RPS6KC1: variants seen among roughly 807,000 people sequenced by gnomAD.
The protein encoded by RPS6KC1 is inactive ribosomal protein S6 kinase delta-1.
RPS6KC1 carries 54 observed loss-of-function variants against 103.8 expected under a neutral mutation model. That is an observed-to-expected ratio of 0.52 (90% CI 0.42 to 0.65). The LOEUF (loss-of-function observed/expected upper bound fraction) is 0.65, where lower values mean the gene tolerates loss of function less well. Ranked by LOEUF, RPS6KC1 falls within the 30% of genes least tolerant of loss-of-function variation. RPS6KC1 has a pLI of 0.00. For synonymous variants in RPS6KC1, 439 were observed against 438.7 expected (o/e 1.00, Z -0.01); for missense variants, 1,151 against 1,253.8 (o/e 0.92, Z 1.24).
At chr1:213,371,180 C>T in the RPS6KC1 span, among the ~76,000 whole-genome samples, 1 of 152,054 alleles carries the variant, frequency 6.6e-6, no homozygotes, top group Non-Finnish European at 1.5e-5. Flanking sequence ...ACTCTAGGTA[C>T]CTCCCGTAGA....
At chr1:213,742,604 T>A in the RPS6KC1 span, among the ~76,000 whole-genome samples, 1 of 152,378 alleles carries the variant, frequency 6.6e-6, no homozygotes, top group East Asian at 1.9e-4. Flanking sequence ...ACTAGCATGC[T>A]TTCGATGGCT....
chr1:213,398,423 A>G, the RPS6KC1 span, among the ~76,000 whole-genome samples: 1 of 151,932 alleles, frequency 6.6e-6, no homozygotes, highest in Non-Finnish European at 1.5e-5. Flanking sequence ...GTAACCTGCC[A>G]TGCTTCAAAC....
At chr1:213,145,967 G>GTTTTTTTTT (rs71573864) in intron 6 of RPS6KC1, among the ~76,000 whole-genome samples, 18 of 47,834 alleles carry the variant, frequency 3.8e-4, no homozygotes, top group Admixed American at 6.9e-4. Context: ...CATTCATTCT[G>GTTTTTTTTT]TTTTTTTTTT....
chr1:213,715,761 A>T, the RPS6KC1 span, among the ~76,000 whole-genome samples: 2 of 152,220 alleles, frequency 1.3e-5, no homozygotes, highest in Non-Finnish European at 2.9e-5. Flanking sequence ...TGGCATTTGT[A>T]AGAGGGAAAA....
At chr1:213,817,355 G>A in the RPS6KC1 span, among the ~76,000 whole-genome samples, 1 of 152,192 alleles carries the variant, frequency 6.6e-6, no homozygotes, top group Non-Finnish European at 1.5e-5. Flanking sequence ...TGGGCTGAAG[G>A]GCAGCTGTTT....
At chr1:213,605,112 T>C in the RPS6KC1 span, among the ~76,000 whole-genome samples, 1 of 152,172 alleles carries the variant, frequency 6.6e-6, no homozygotes, top group African/African-American at 2.4e-5. Flanking sequence ...CATGGTGCCC[T>C]TAGCTTCTTG....
At chr1:213,084,271 T>G (rs965203000) in intron 3 of RPS6KC1, among the ~76,000 whole-genome samples, 1 of 152,118 alleles carries the variant, frequency 6.6e-6, no homozygotes, top group African/African-American at 2.4e-5. Flanking sequence ...TTTCTTTCTT[T>G]CTTTTCTAAC....
chr1:213,702,138 T>A, the RPS6KC1 span, among the ~76,000 whole-genome samples: 4 of 151,938 alleles, frequency 2.6e-5, no homozygotes, highest in African/African-American at 4.8e-5. Context: ...TTTCAAGAAA[T>A]TTTTCAATTT....
the RPS6KC1 span, among the ~76,000 whole-genome samples, chr1:213,327,076 G>A: frequency 2.1e-5 from 3 of 145,674 alleles, no homozygotes; most frequent in African/African-American, 7.6e-5. Flanking sequence ...TTGAGAAGAT[G>A]GTCAAGTTGA....
At chr1:213,479,437 CTTG>C in the RPS6KC1 span, among the ~76,000 whole-genome samples, 2 of 151,996 alleles carry the variant, frequency 1.3e-5, no homozygotes, top group African/African-American at 2.4e-5. Flanking sequence ...AAACTGGCAT[CTTG>C]TTGTGTTTTC....
chr1:213,366,054 T>G, the RPS6KC1 span, among the ~76,000 whole-genome samples: 1 of 152,214 alleles, frequency 6.6e-6, no homozygotes, highest in Non-Finnish European at 1.5e-5. Context: ...TGGAGAAGGC[T>G]GGATGAGCCA....
At chr1:213,149,880 C>T (rs916239881) in intron 6 of RPS6KC1, among the ~76,000 whole-genome samples, 11 of 152,122 alleles carry the variant, frequency 7.2e-5, no homozygotes, top group Admixed American at 6.5e-4. Flanking sequence ...TGAATTGACC[C>T]CTTTATCATT....
At chr1:213,348,839 A>G in the RPS6KC1 span, among the ~76,000 whole-genome samples, 1 of 152,144 alleles carries the variant, frequency 6.6e-6, no homozygotes, top group African/African-American at 2.4e-5. Context: ...AGGCTCATAA[A>G]TGGTTTCAAT....
the RPS6KC1 span, among the ~76,000 whole-genome samples, chr1:213,608,094 ACT>A: frequency 1.3e-5 from 2 of 152,014 alleles, no homozygotes; most frequent in Non-Finnish European, 2.9e-5. Context: ...AAGTTTGTCA[ACT>A]CTCTGTTAAA....
At chr1:213,239,001 A>G (rs904639438) in intron 10 of RPS6KC1, among the ~76,000 whole-genome samples, 5 of 152,238 alleles carry the variant, frequency 3.3e-5, no homozygotes, top group African/African-American at 4.8e-5. Flanking sequence ...ATTGTTGTCA[A>G]TAGACTAAAG....
chr1:213,402,448 A>G, the RPS6KC1 span, among the ~76,000 whole-genome samples: 1 of 147,886 alleles, frequency 6.8e-6, no homozygotes, highest in Admixed American at 6.9e-5. Flanking sequence ...AGCACCCATA[A>G]CTTACCTGTT....
At chr1:213,653,796 C>T in the RPS6KC1 span, among the ~76,000 whole-genome samples, 1 of 152,100 alleles carries the variant, frequency 6.6e-6, no homozygotes, top group Non-Finnish European at 1.5e-5. Context: ...TTTCTAGTTT[C>T]CTTAGGTTGG....
At chr1:213,758,351 G>T in the RPS6KC1 span, among the ~76,000 whole-genome samples, 1 of 152,276 alleles carries the variant, frequency 6.6e-6, no homozygotes, top group African/African-American at 2.4e-5. Context: ...GCTGAGAAGG[G>T]AAGATCACCT....
In RPS6KC1 at chr1:213,252,828, G is replaced by A. The variant is rs114509745; in HGVS notation, c.2912-8730G>A. On this transcript the variant is annotated intron_variant, in intron 12 of 14. Transcript: ENST00000366960. ...TATGGATCTTGTGGCCTTAAAATTG[G>A]CCTATCATTCTGCTATTTGGATAAA... is the stretch of plus-strand genomic sequence containing the variant. Among the ~76,000 whole-genome samples, 814 of 152,048 alleles carry A rather than the reference G, an allele frequency of 5.4e-3. 4 individuals carry two copies. The highest frequency in any genetic ancestry group is 0.01 in the Middle Eastern group (3 of 294).
Sources: gnomAD v4.1 joint callset for allele counts (sites outside exome capture counted in the v4.1 genomes callset) on GRCh38, gnomAD v4.1.1 for gene constraint, MANE v1.5 for transcripts, NCBI Gene and HGNC (gene_info 2026-07-23, HGNC 2026-07-21) for gene names.